Variants in CMYA5 observed in about 807,000 individuals in gnomAD.
CMYA5 encodes cardiomyopathy-associated protein 5.
In CMYA5, 246 loss-of-function variants were observed where a neutral mutation model predicts 318.9. The ratio of observed to expected loss-of-function variants is 0.77; its 90% CI spans 0.70 to 0.86. The LOEUF (loss-of-function observed/expected upper bound fraction) is 0.86. Among genes scored for constraint, CMYA5 ranks in the 40% least tolerant of loss-of-function variants. The pLI is 0.00. For synonymous variants in CMYA5, 1,641 were observed against 1,729.5 expected, an observed-to-expected ratio of 0.95 and a Z score of 1.27; for missense variants, 4,589 against 4,678.2, an observed-to-expected ratio of 0.98 and a Z score of 0.56.
Position 79,745,356 on chromosome 5 carries a change from G to C in CMYA5, c.10869G>C (p.Glu3623Asp). ...VKKKKMEFLH[E>D]QMVHFLQSMD... ...AGAAGAAGATGGAGTTCCTGCATGA[G>C]CAGATGGTCCACTTTCTGCAGAGCA... The change falls in exon 4 of 13, where the codon GAG becomes GAC. Residue 3623 changes from glutamate to aspartate, a missense_variant. Glu to Asp is a conservative substitution (Grantham distance 45, BLOSUM62 2). Around this residue, in one of 3 missense-constraint regions of CMYA5, gnomAD observed 2,431 missense variants for 2,495.1 expected, o/e 0.97. Transcript: ENST00000446378. 1 of 1,613,964 alleles carries C rather than the reference G, an allele frequency of 6.2e-7. No individual in the cohort carries two copies.
intron 4 of CMYA5, among the ~76,000 whole-genome samples, chr5:79,746,125 C>A (rs1223125747): frequency 1.3e-5 from 2 of 152,114 alleles, no homozygotes. Flanking sequence ...CTCCATGAAG[C>A]CAGGATTAAG....
rs775873358 is a variant in CMYA5, at chr5:79,752,837, GT to G, written c.11110+48del. On this transcript the variant is annotated intron_variant, in intron 6 of 12. Transcript: ENST00000446378. ...TTAATTACCTAGATGAAATATGGCA[GT>G]TTTTGCTTGTTTGTTTTGTATGTAA... The G allele has an allele frequency of 3.6e-6, 5 of 1,384,572 alleles. No individual in the cohort carries two copies. In the African/African-American group the frequency reaches 7.2e-5, roughly 20 times the overall value. 85.8% of individuals were successfully genotyped at this position (1,384,572 alleles called of 1,614,324 possible). A position where few individuals can be genotyped will look rare whatever the true frequency, so the allele number is the denominator to read the frequency against.
intron 5 of CMYA5, among the ~76,000 whole-genome samples, chr5:79,747,785 A>T (rs1156673182): frequency 1.3e-5 from 2 of 152,224 alleles, no homozygotes; most frequent in East Asian, 3.8e-4. Context: ...TTTGCCCCAT[A>T]GCAAGACCTG....
intron 1 of CMYA5, among the ~76,000 whole-genome samples, chr5:79,701,515 CA>C (rs1227537449): frequency 6.6e-6 from 1 of 152,150 alleles, no homozygotes; most frequent in Non-Finnish European, 1.5e-5. Context: ...ATCTCACACA[CA>C]CAAAACCACA....
chr5:79,753,605 C>G (rs73773433), intron 6 of CMYA5, among the ~76,000 whole-genome samples: 18 of 151,884 alleles, frequency 1.2e-4, no homozygotes, highest in Non-Finnish European at 2.6e-4. Flanking sequence ...ACAACAACAA[C>G]AAAAAACCCC....
In CMYA5 at chr5:79,732,337, C is replaced by T; in HGVS notation, c.3572C>T (p.Thr1191Ile). ...KKEQEPTAALTLKAADEQMAL... is the reference protein window; with the variant it reads ...KKEQEPTAALILKAADEQMAL... ...GAACAGGAACCCACAGCAGCACTCA[C>T]TCTAAAAGCTGCAGATGAACAGATG... Residue 1191 changes from threonine to isoleucine, a missense_variant, in exon 2 of 13, where the codon ACT becomes ATT. Thr to Ile is a moderately conservative substitution (Grantham distance 89). Transcript: ENST00000446378. 1.2e-6 allele frequency: 2 copies of T among 1,613,744 alleles called. No individual in the cohort carries two copies. Among genetic ancestry groups the T allele is most frequent in the East Asian group, 4.5e-5 (2 of 44,862 alleles).
Position 79,739,151 on chromosome 5 carries a change from T to A in CMYA5, c.10386T>A (p.Ser3462Arg). ...GAAAGGAATCCTTTGAGCACATCAG[T>A]GAAAATGAATTTGCGAGTGAGGCAG... Reference protein sequence around the residue: ...SQGKESFEHISENEFASEAEQ... With the variant: ...SQGKESFEHIRENEFASEAEQ... The change falls in exon 2 of 13, where the codon AGT becomes AGA. Residue 3462 changes from serine (S) to arginine (R), a missense_variant. Ser to Arg is a moderately radical substitution (Grantham distance 110, BLOSUM62 -1). Coordinates refer to ENST00000446378, the MANE Select transcript of CMYA5 (RefSeq NM_153610.5). 1.2e-6 allele frequency: 2 copies of A among 1,613,752 alleles called. No individual in the cohort carries two copies. Among genetic ancestry groups the A allele is most frequent in the Non-Finnish European group, 1.7e-6 (2 of 1,179,814 alleles).
rs1359730024 is a variant in CMYA5 at position 79,737,989 on chromosome 5, A to T, written c.9224A>T (p.Lys3075Ile). The change falls in exon 2 of 13, where the codon AAA becomes ATA. Residue 3075 changes from lysine to isoleucine, a missense_variant. By Grantham distance (102) the Lys-to-Ile change is moderately radical (BLOSUM62 -3). Coordinates refer to ENST00000446378, the MANE Select transcript of CMYA5 (RefSeq NM_153610.5). The part of the protein sequence containing the change: ...PDPEKQKAPQ[K>I]LNVEEKLSKE... ...CCAGAAAAACAGAAAGCTCCACAGA[A>T]ATTAAATGTTGAAGAGAAACTCTCA... The T allele has an allele frequency of 1.2e-6, 2 of 1,613,486 alleles. No homozygotes were observed. The highest frequency in any genetic ancestry group is 2.2e-5 in the South Asian group (2 of 91,000).
At chr5:79,704,530 CT>C (rs943797436) in intron 1 of CMYA5, among the ~76,000 whole-genome samples, 2 of 152,086 alleles carry the variant, frequency 1.3e-5, no homozygotes, top group African/African-American at 4.8e-5. Context: ...TATTTTTGTT[CT>C]CTTGGATATA....
At chr5:79,723,292 A>T (rs1446500238) in intron 1 of CMYA5, among the ~76,000 whole-genome samples, 1 of 151,972 alleles carries the variant, frequency 6.6e-6, no homozygotes, top group Non-Finnish European at 1.5e-5. Flanking sequence ...TACAAAAATT[A>T]GCCGGGAGCA....
rs544184565 is a variant in CMYA5 at position 79,733,659 on chromosome 5, T to C, written c.4894T>C (p.Leu1632=). The change falls in exon 2 of 13, where the codon TTG becomes CTG. Residue 1632 remains leucine (L), a synonymous_variant. Coordinates refer to ENST00000446378, the MANE Select transcript of CMYA5 (RefSeq NM_153610.5). ...GAAGAAAGACAAGCCACACCAACCG[T>C]TGGAATTACCAAATGCTGGGTCAGA... is the stretch of plus-strand genomic sequence containing the variant. The part of the protein sequence containing the change: ...PEKKDKPHQP[L]ELPNAGSEFS... 141 of 1,613,846 alleles carry C rather than the reference T, an allele frequency of 8.7e-5. 1 individual carries two copies. The South Asian group carries it at 1.3e-3, about 15-fold the overall frequency.
chr5:79,784,738 C>T (rs1456867689), intron 9 of CMYA5, among the ~76,000 whole-genome samples: 3 of 144,788 alleles, frequency 2.1e-5, no homozygotes, highest in South Asian at 2.3e-4. Context: ...TGACCCCTTG[C>T]GCTTCCCAGG....
chr5:79,799,438 T>A lies in CMYA5; in HGVS notation c.12032T>A (p.Ile4011Asn). ...HVTERPARVG[I>N]LLDYNNQRLI... ...ACTGAGCGTCCAGCCAGAGTGGGCATCCTGCTGGACTACAACAACCAGAGA... is the reference window on the plus strand; with the variant it reads ...ACTGAGCGTCCAGCCAGAGTGGGCAACCTGCTGGACTACAACAACCAGAGA... The change falls in exon 13 of 13, where the codon ATC (isoleucine) becomes AAC (asparagine). Residue 4011 changes from isoleucine (I) to asparagine (N), a missense_variant. Physicochemically the swap from Ile to Asn is moderately radical, Grantham distance 149. Transcript: ENST00000446378. The A allele has an allele frequency of 6.2e-7, 1 of 1,614,014 alleles. No homozygotes were observed. The highest frequency in any genetic ancestry group is 8.5e-7 in the Non-Finnish European group (1 of 1,179,878).
chr5:79,735,435 C>A lies in CMYA5; in HGVS notation c.6670C>A (p.Pro2224Thr). ...TGTGATAGATCCTGAAGGTACAATT[C>A]CCACCAATTTTAATGTAGCTGAGAA... ...VTVIDPEGTI[P>T]TNFNVAEKPA... The change falls in exon 2 of 13, where the codon CCC becomes ACC. Residue 2224 changes from proline to threonine, a missense_variant. Around this residue, in one of 3 missense-constraint regions of CMYA5, gnomAD observed 2,431 missense variants for 2,495.1 expected, o/e 0.97. Coordinates refer to ENST00000446378, the MANE Select transcript of CMYA5 (RefSeq NM_153610.5). 1 of 1,613,830 alleles carries A rather than the reference C, an allele frequency of 6.2e-7. No individual in the cohort carries two copies. The highest frequency in any genetic ancestry group is 8.5e-7 in the Non-Finnish European group (1 of 1,179,784).
At chr5:79,726,663 G>T (rs918413495) in intron 1 of CMYA5, among the ~76,000 whole-genome samples, 2 of 152,114 alleles carry the variant, frequency 1.3e-5, no homozygotes, top group African/African-American at 4.8e-5. Flanking sequence ...TGGCCCAAGG[G>T]GCCTGGCTGC....
chr5:79,690,032 A>T lies in CMYA5; in HGVS notation c.125A>T (p.Glu42Val), dbSNP rs569912851. The T allele has an allele frequency of 6.8e-6, 10 of 1,469,808 alleles. No individual in the cohort carries two copies. The South Asian group carries it at 1.3e-4, about 20-fold the overall frequency. 91.0% of individuals were successfully genotyped at this position (1,469,808 alleles called of 1,614,324 possible). Residue 42 changes from glutamate to valine, a missense_variant, in exon 1 of 13, where the codon GAG (glutamate) becomes GTG (valine). Physicochemically the swap from Glu to Val is moderately radical, Grantham distance 121. This residue lies in a region of CMYA5 where 2,132 missense variants were observed against 2,131.3 expected (regional missense o/e 1.00). Coordinates refer to ENST00000446378, the MANE Select transcript of CMYA5 (RefSeq NM_153610.5). ...GGCGAGGAGGACGAGACGGCGGCGGAGTCGGAGGAGGAGCCGGACTCCAGG... is the reference window on the plus strand; with the variant it reads ...GGCGAGGAGGACGAGACGGCGGCGGTGTCGGAGGAGGAGCCGGACTCCAGG... ...SEGEEDETAA[E>V]SEEEPDSRLS...
chr5:79,735,461 AC>A lies in CMYA5; in HGVS notation c.6698del (p.Pro2233GlnfsTer9). 2 of 1,613,664 alleles carry A rather than the reference AC, an allele frequency of 1.2e-6. No individual in the cohort carries two copies. The highest frequency in any genetic ancestry group is 1.7e-6 in the Non-Finnish European group (2 of 1,179,602). ...IPTNFNVAEKPADHSLSEVKL... is the reference protein window; with the variant it reads ...IPTNFNVAEKXADHSLSEVKL... The stretch of plus-strand genomic sequence containing the variant: ...CCACCAATTTTAATGTAGCTGAGAA[AC>A]CAGCTGATCATTCATTATCAGAGGT... On this transcript the variant is annotated frameshift_variant, in exon 2 of 13. Transcript: ENST00000446378. LOFTEE classifies it high-confidence loss of function.
Position 79,731,446 on chromosome 5 carries a change from C to T in CMYA5, c.2681C>T (p.Thr894Ile), listed in dbSNP as rs765481116. 1.2e-6 allele frequency: 2 copies of T among 1,611,836 alleles called. No individual in the cohort carries two copies. The highest frequency in any genetic ancestry group is 2.7e-5 in the African/African-American group (2 of 74,898). Reference protein sequence around the residue: ...DEEAVELERYTPSSTSASEFS... With the variant: ...DEEAVELERYIPSSTSASEFS... The stretch of plus-strand genomic sequence containing the variant: ...GAGGCAGTCGAGTTGGAACGATACA[C>T]ACCCTCTTCTACATCTGCTTCTGAA... The change falls in exon 2 of 13, where the codon ACA (threonine) becomes ATA (isoleucine). Residue 894 changes from threonine to isoleucine, a missense_variant. By Grantham distance (89) the Thr-to-Ile change is moderately conservative (BLOSUM62 -1). Coordinates refer to ENST00000446378, the MANE Select transcript of CMYA5 (RefSeq NM_153610.5).
At chr5:79,707,602 A>G (rs1308383648) in intron 1 of CMYA5, among the ~76,000 whole-genome samples, 3 of 152,248 alleles carry the variant, frequency 2.0e-5, no homozygotes, top group Non-Finnish European at 2.9e-5. Context: ...TTAATTCAAC[A>G]CTGAAAAGGA....
Sources: gnomAD v4.1 joint callset for allele counts (sites outside exome capture counted in the v4.1 genomes callset) on GRCh38, gnomAD v4.1.1 for gene constraint, gnomAD v4.1.1 regional missense constraint, MANE v1.5 for transcripts, NCBI Gene and HGNC (gene_info 2026-07-23, HGNC 2026-07-21) for gene names.